The following TUT4 variants were observed in gnomAD, a reference collection of about 807,000 sequenced individuals.
TUT4 encodes the protein terminal uridylyl transferase 4.
In TUT4, 36 loss-of-function variants were observed where a neutral mutation model predicts 192.2. The observed-to-expected ratio is 0.19, with a 90% CI of 0.14 to 0.25. TUT4 has a LOEUF of 0.25. Among genes scored for constraint, TUT4 ranks in the 10% least tolerant of loss-of-function variants. The pLI, the probability that TUT4 is intolerant of heterozygous loss-of-function variation, is 1.00. For missense variants in TUT4, 1,493 were observed against 1,957.2 expected, an observed-to-expected ratio of 0.76 and a Z score of 4.47; for synonymous variants, 618 against 666.0, an observed-to-expected ratio of 0.93 and a Z score of 1.11.
chr1:52,549,957 T>G (rs985408554), intron 1 of TUT4, among the ~76,000 whole-genome samples: 1 of 152,068 alleles, frequency 6.6e-6, no homozygotes, highest in African/African-American at 2.4e-5. Context: ...CACACAAATC[T>G]CTCACTTAAG....
chr1:52,548,026 G>A lies in TUT4; in HGVS notation c.-94+4905C>T, dbSNP rs80130034. 1.1e-3 allele frequency among the ~76,000 whole-genome samples: 162 copies of A among 152,096 alleles called. 1 individual carries two copies. In the East Asian group the frequency reaches 0.028, roughly 26 times the overall value. ...GTAAATTATATCTCAAAGAAAAAAG[G>A]GGAAAAAAATACACTATTACACATT... On this transcript the variant is annotated intron_variant, in intron 1 of 29. Transcript: ENST00000257177.
chr1:52,437,045 C>T, intron 25 of TUT4, 67 bp from the exon 26 acceptor site: 2 of 1,555,322 alleles, frequency 1.3e-6, no homozygotes, highest in Non-Finnish European at 1.7e-6. Flanking sequence ...CTATGCAGGA[C>T]TCTCACAATA....
chr1:52,486,268 A>G (rs1669760339), intron 9 of TUT4, among the ~76,000 whole-genome samples: 1 of 152,160 alleles, frequency 6.6e-6, no homozygotes, highest in Non-Finnish European at 1.5e-5. Context: ...CAATTCTTAC[A>G]TTAACCACGA....
intron 15 of TUT4, among the ~76,000 whole-genome samples, chr1:52,467,569 C>A (rs528026722): frequency 6.6e-6 from 1 of 152,274 alleles, no homozygotes; most frequent in South Asian, 2.1e-4. Context: ...AGTCTTATAG[C>A]CCAGCAAACC....
intron 24 of TUT4, among the ~76,000 whole-genome samples, chr1:52,444,925 GTA>G (rs766186397): frequency 7.6e-4 from 96 of 125,710 alleles, no homozygotes; most frequent in Non-Finnish European, 1.2e-3. Context: ...ACATGTATGT[GTA>G]TATATATGTA....
At chr1:52,473,769 T>C (rs369240113) in intron 13 of TUT4, among the ~76,000 whole-genome samples, 1 of 152,208 alleles carries the variant, frequency 6.6e-6, no homozygotes, top group Admixed American at 6.5e-5. Context: ...TGGATACTAA[T>C]AATGATATTG....
At chr1:52,442,150 AGAGT>A (rs1655800159) in intron 24 of TUT4, among the ~76,000 whole-genome samples, 1 of 142,570 alleles carries the variant, frequency 7.0e-6, no homozygotes, top group Admixed American at 7.0e-5. Flanking sequence ...CATGGGTGAC[AGAGT>A]GAGACTCCAC....
At chr1:52,493,272 G>A (rs924989678) in intron 7 of TUT4, among the ~76,000 whole-genome samples, 12 of 152,048 alleles carry the variant, frequency 7.9e-5, no homozygotes, top group African/African-American at 1.4e-4. Context: ...TAGTAGAGAC[G>A]GGGTTTCAGC....
chr1:52,549,824 G>A (rs1006790327), intron 1 of TUT4, among the ~76,000 whole-genome samples: 45 of 152,018 alleles, frequency 3.0e-4, no homozygotes, highest in African/African-American at 9.4e-4. Context: ...ACAGTGTCTA[G>A]CGCAGTGCCT....
At chr1:52,497,782 A>C (rs1266009911) in intron 4 of TUT4, among the ~76,000 whole-genome samples, 1 of 152,254 alleles carries the variant, frequency 6.6e-6, no homozygotes, top group East Asian at 1.9e-4. Flanking sequence ...TGTTAATTAC[A>C]AAAGCTACAT....
intron 20 of TUT4, among the ~76,000 whole-genome samples, chr1:52,457,514 G>A (rs1039103169): frequency 2.6e-5 from 4 of 152,046 alleles, no homozygotes; most frequent in Non-Finnish European, 5.9e-5. Flanking sequence ...GATTACAGGC[G>A]TGAGCCACCA....
chr1:52,547,801 T>A (rs1388290618), intron 1 of TUT4, among the ~76,000 whole-genome samples: 1 of 152,208 alleles, frequency 6.6e-6, no homozygotes, highest in Non-Finnish European at 1.5e-5. Context: ...GTATATGTAA[T>A]GTCCATAATT....
At chr1:52,515,785 G>T in intron 3 of TUT4, 106 bp downstream of exon 3, 1 of 1,326,958 alleles carries the variant, frequency 7.5e-7, no homozygotes, top group Non-Finnish European at 1.1e-6. Context: ...AAAGATGAAT[G>T]CAACCTCTGT....
intron 4 of TUT4, among the ~76,000 whole-genome samples, chr1:52,504,800 A>G (rs942718766): frequency 7.2e-5 from 11 of 152,202 alleles, no homozygotes; most frequent in Non-Finnish European, 1.3e-4. Flanking sequence ...TGACTACTCT[A>G]AAAACCTCAT....
chr1:52,509,576 AT>A lies in TUT4; in HGVS notation c.999+19del. ...TACAACTTGAAAAATAAATAAAAGT[AT>A]TTTTTAAAAAGAACTTACCAAAATA... On this transcript the variant is annotated intron_variant, in intron 4 of 29. Transcript: ENST00000257177. 2 of 1,249,158 alleles carry A rather than the reference AT, an allele frequency of 1.6e-6. No individual in the cohort carries two copies. Among genetic ancestry groups the A allele is most frequent in the African/African-American group, 1.5e-5 (1 of 65,150 alleles). 77.4% of individuals were successfully genotyped at this position (1,249,158 alleles called of 1,614,324 possible).
chr1:52,490,007 G>C (rs1670733705), intron 8 of TUT4, among the ~76,000 whole-genome samples: 1 of 152,014 alleles, frequency 6.6e-6, no homozygotes, highest in Admixed American at 6.6e-5. Flanking sequence ...TAGACTTATA[G>C]ACATCTAACT....
intron 20 of TUT4, among the ~76,000 whole-genome samples, chr1:52,447,429 A>AC (rs1414472334): frequency 6.6e-6 from 1 of 151,244 alleles, no homozygotes; most frequent in Non-Finnish European, 1.5e-5. Flanking sequence ...AGCCTGGGCG[A>AC]CAGGGCGAGA....
rs931982169 is a variant in TUT4, at chr1:52,471,754, T to C, written c.2878+198A>G. 2.6e-5 allele frequency among the ~76,000 whole-genome samples: 4 copies of C among 152,058 alleles called. No individual in the cohort carries two copies. In the East Asian group the frequency reaches 5.8e-4, roughly 22 times the overall value. On this transcript the variant is annotated intron_variant, in intron 14 of 29. Transcript: ENST00000257177. ...TTTTAAGCTCCTTAAAAGCAATATA[T>C]ATGGACTCTCAATTCCCCTTGGCAT... is the stretch of plus-strand genomic sequence containing the variant.
intron 1 of TUT4, among the ~76,000 whole-genome samples, chr1:52,550,844 T>TG (rs1378331084): frequency 1.1e-4 from 17 of 152,276 alleles, no homozygotes; most frequent in Middle Eastern, 3.4e-3. Context: ...ACTAGAAACT[T>TG]TAACAGTGAA....
Sources: allele counts gnomAD v4.1 joint callset (sites outside exome capture counted in the v4.1 genomes callset), GRCh38; gene constraint gnomAD v4.1.1; transcripts MANE v1.5; gene names NCBI Gene and HGNC (gene_info 2026-07-23, HGNC 2026-07-21).